NEK10: variants seen among roughly 807,000 people sequenced by gnomAD.
NEK10 encodes NIMA related kinase 10.
NEK10 carries 122 observed loss-of-function variants against 159.8 expected under a neutral mutation model. The ratio of observed to expected loss-of-function variants is 0.76; its 90% CI spans 0.66 to 0.89. The LOEUF (loss-of-function observed/expected upper bound fraction) is 0.89. Among genes scored for constraint, NEK10 ranks in the 40% least tolerant of loss-of-function variants. The probability of loss-of-function intolerance (pLI) is 0.00; values close to 1 mark genes in which losing one functional copy is unlikely to be tolerated. For synonymous variants in NEK10, 466 were observed against 457.1 expected (o/e 1.02, Z -0.25); for missense variants, 1,342 against 1,323.1 (o/e 1.01, Z -0.22).
intron 14 of NEK10, among the ~76,000 whole-genome samples, chr3:27,296,160 CAAAT>C (rs2043339229): frequency 6.6e-6 from 1 of 151,442 alleles, no homozygotes; most frequent in Admixed American, 6.6e-5. Context: ...AAGGAATGAA[CAAAT>C]AATAATACCT....
At chr3:27,336,591 A>G (rs563522924) in intron 5 of NEK10, among the ~76,000 whole-genome samples, 119 of 152,290 alleles carry the variant, frequency 7.8e-4, no homozygotes, top group African/African-American at 2.3e-3. Context: ...AGATGTAAAA[A>G]TCCTCAACAA....
chr3:27,273,540 A>G (rs2041538758), intron 22 of NEK10, among the ~76,000 whole-genome samples: 1 of 152,230 alleles, frequency 6.6e-6, no homozygotes, highest in Non-Finnish European at 1.5e-5. Flanking sequence ...ATCACATAGT[A>G]AATGCTCAAG....
intron 23 of NEK10, among the ~76,000 whole-genome samples, chr3:27,241,354 A>G (rs1954544560): frequency 6.6e-6 from 1 of 152,156 alleles, no homozygotes; most frequent in South Asian, 2.1e-4. Context: ...ACTTCTTGCG[A>G]GCACACTGGA....
intron 1 of NEK10, among the ~76,000 whole-genome samples, chr3:27,356,472 T>C (rs1245374791): frequency 6.6e-6 from 1 of 152,174 alleles, no homozygotes; most frequent in African/African-American, 2.4e-5. Context: ...ATGGTGTTAC[T>C]GCGTTCCAGC....
chr3:27,216,670 A>G (rs982462840), intron 23 of NEK10, among the ~76,000 whole-genome samples: 3 of 152,208 alleles, frequency 2.0e-5, no homozygotes, highest in Non-Finnish European at 2.9e-5. Flanking sequence ...GAACCCAGCC[A>G]ATATCCCCAG....
chr3:27,151,549 A>G (rs993115914), intron 30 of NEK10, among the ~76,000 whole-genome samples: 2 of 152,152 alleles, frequency 1.3e-5, no homozygotes, highest in African/African-American at 4.8e-5. Flanking sequence ...GCCTACCCAA[A>G]TAAGAAGGAA....
chr3:27,322,601 C>A (rs640912), intron 5 of NEK10, among the ~76,000 whole-genome samples: 61,231 of 151,998 alleles, frequency 0.4, 16,056 homozygotes, highest in African/African-American at 0.76. Context: ...ACGCCATAAC[C>A]AATTGGTATC....
At chr3:27,167,905 T>C (rs1946624418) in intron 29 of NEK10, among the ~76,000 whole-genome samples, 2 of 152,232 alleles carry the variant, frequency 1.3e-5, no homozygotes, top group Non-Finnish European at 2.9e-5. Context: ...CCTAGTTCCA[T>C]TTGCTCATGT....
chr3:27,200,233 G>C (rs967440564), intron 25 of NEK10, among the ~76,000 whole-genome samples: 14 of 152,192 alleles, frequency 9.2e-5, no homozygotes, highest in African/African-American at 3.4e-4. Context: ...CAATGGGCTA[G>C]AAGGATAAAT....
At chr3:27,351,625 A>G (rs1028740186) in intron 3 of NEK10, among the ~76,000 whole-genome samples, 51 of 152,240 alleles carry the variant, frequency 3.3e-4, no homozygotes, top group African/African-American at 1.2e-3. Context: ...ATAAGCAGAT[A>G]AAAATGCTAT....
intron 5 of NEK10, among the ~76,000 whole-genome samples, chr3:27,341,683 T>C (rs189952174): frequency 9.9e-5 from 15 of 152,268 alleles, no homozygotes; most frequent in Admixed American, 4.6e-4. Flanking sequence ...GGCAATTTCA[T>C]TCTGAGAATG....
intron 23 of NEK10, among the ~76,000 whole-genome samples, chr3:27,230,256 T>C (rs1002783637): frequency 2.0e-5 from 3 of 152,112 alleles, no homozygotes; most frequent in South Asian, 2.1e-4. Context: ...AAGATTTGTA[T>C]AGCCAGTAGA....
chr3:27,147,604 G>A (rs1482813961), intron 30 of NEK10, among the ~76,000 whole-genome samples: 1 of 152,182 alleles, frequency 6.6e-6, no homozygotes, highest in Non-Finnish European at 1.5e-5. Context: ...TTGAATTCTG[G>A]CTGAGCCTCT....
At chr3:27,282,582 T>TATAC (rs370762743) in intron 22 of NEK10, among the ~76,000 whole-genome samples, 6 of 59,766 alleles carry the variant, frequency 1.0e-4, no homozygotes, top group Admixed American at 2.3e-4. Flanking sequence ...TATATATATA[T>TATAC]ACATAACTGT....
At chr3:27,248,226 T>C (rs961328183) in intron 23 of NEK10, among the ~76,000 whole-genome samples, 1 of 152,174 alleles carries the variant, frequency 6.6e-6, no homozygotes, top group South Asian at 2.1e-4. Context: ...TCCTTTTTCA[T>C]CCCTGATTGT....
At chr3:27,301,067 G>T (rs142801868) in intron 13 of NEK10, among the ~76,000 whole-genome samples, 1 of 152,038 alleles carries the variant, frequency 6.6e-6, no homozygotes. Context: ...TCTGTGGGCC[G>T]CTCTAGGGCA....
intron 5 of NEK10, among the ~76,000 whole-genome samples, chr3:27,328,800 T>C (rs1422992777): frequency 6.6e-6 from 1 of 152,140 alleles, no homozygotes; most frequent in African/African-American, 2.4e-5. Context: ...CCTACTGCAA[T>C]AGTCCAAGCA....
In NEK10 at chr3:27,331,262, A is replaced by AAAC; in HGVS notation, c.363-9002_363-9001insGTT. On this transcript the variant is annotated intron_variant, in intron 5 of 35. Coordinates refer to ENST00000691995, the MANE Select transcript of NEK10 (RefSeq NM_001394966.1). The stretch of plus-strand genomic sequence containing the variant: ...CAAAAAAAAAAAAACAAAAAAAAAA[A>AAAC]ACACACAAACCTAAGACTTTTGAGG... Among the ~76,000 whole-genome samples the AAAC allele has an allele frequency of 7.8e-4, 86 of 110,092 alleles. 7 individuals are homozygous for AAAC. Among genetic ancestry groups the AAAC allele is most frequent in the Non-Finnish European group, 1.1e-3 (56 of 51,038 alleles). 72.2% of individuals were successfully genotyped at this position (110,092 alleles called of 152,430 possible).
intron 29 of NEK10, among the ~76,000 whole-genome samples, chr3:27,166,366 TCTTA>T (rs1364398018): frequency 6.6e-6 from 1 of 152,082 alleles, no homozygotes; most frequent in East Asian, 1.9e-4. Context: ...AACAAAGTGG[TCTTA>T]CTATGTGTTT....
Sources: allele counts gnomAD v4.1 joint callset (sites outside exome capture counted in the v4.1 genomes callset), GRCh38; gene constraint gnomAD v4.1.1; transcripts MANE v1.5; gene names NCBI Gene and HGNC (gene_info 2026-07-23, HGNC 2026-07-21).